The following SLC5A1 variants were observed in gnomAD, a reference collection of about 807,000 sequenced individuals.
SLC5A1 encodes solute carrier family 5 member 1, also known as sodium/glucose cotransporter 1.
Under a neutral mutation model 73.5 loss-of-function variants are expected in SLC5A1, and 42 were observed. The ratio of observed to expected loss-of-function variants is 0.57; its 90% CI spans 0.45 to 0.74. The LOEUF (loss-of-function observed/expected upper bound fraction) is 0.74. Ranked by LOEUF, SLC5A1 falls within the 30% of genes least tolerant of loss-of-function variation. The probability of loss-of-function intolerance (pLI) is 0.00; values close to 1 mark genes in which losing one functional copy is unlikely to be tolerated. For missense variants in SLC5A1, 634 were observed against 855.4 expected (o/e 0.74, Z 3.23); for synonymous variants, 300 against 317.4 (o/e 0.95, Z 0.58).
intron 7 of SLC5A1, among the ~76,000 whole-genome samples, chr22:32,083,915 C>T (rs1371205645): frequency 6.6e-6 from 1 of 152,212 alleles, no homozygotes; most frequent in Non-Finnish European, 1.5e-5. Flanking sequence ...TATTCAAGGA[C>T]ACACAATTGA....
intron 2 of SLC5A1, among the ~76,000 whole-genome samples, chr22:32,055,553 G>A (rs1350836551): frequency 1.3e-5 from 2 of 152,166 alleles, no homozygotes; most frequent in Non-Finnish European, 1.5e-5. Context: ...ACAGTGGGAT[G>A]GGTAGGAGGT....
At chr22:32,053,950 A>C (rs553440876) in intron 2 of SLC5A1, among the ~76,000 whole-genome samples, 2 of 152,302 alleles carry the variant, frequency 1.3e-5, no homozygotes, top group African/African-American at 4.8e-5. Context: ...CGAGGCAGGC[A>C]GATCGCCTGG....
Position 32,112,496 on chromosome 22 carries a change from C to T in SLC5A1, c.*2283C>T, listed in dbSNP as rs1355103821. On this transcript the variant is annotated 3_prime_UTR_variant, in exon 15 of 15. Transcript: ENST00000266088. ...ATGCCCAATAAACATTACTGCTTTC[C>T]CCCTCACCCTACTGCCTGAAAAAAT... The T allele has an allele frequency of 1.3e-5, 2 of 152,204 alleles. No homozygotes were observed. Among genetic ancestry groups the T allele is most frequent in the Non-Finnish European group, 2.9e-5 (2 of 68,066 alleles). 9.4% of individuals were successfully genotyped at this position (152,204 alleles called of 1,614,324 possible).
intron 11 of SLC5A1, among the ~76,000 whole-genome samples, chr22:32,093,584 CTT>C (rs2094021615): frequency 6.7e-6 from 1 of 149,790 alleles, no homozygotes; most frequent in African/African-American, 2.4e-5. Context: ...TCTTCTCTCT[CTT>C]TCTTTTTTTT....
intron 2 of SLC5A1, among the ~76,000 whole-genome samples, chr22:32,054,705 C>T (rs2093949326): frequency 6.6e-6 from 1 of 152,174 alleles, no homozygotes; most frequent in Non-Finnish European, 1.5e-5. Context: ...CAGGGTCTCA[C>T]TCTGTTGCCC....
intron 5 of SLC5A1, among the ~76,000 whole-genome samples, chr22:32,075,533 T>G (rs937936357): frequency 6.6e-6 from 1 of 152,220 alleles, no homozygotes; most frequent in East Asian, 1.9e-4. Flanking sequence ...TTCCTGACAC[T>G]GAATCTAAAC....
rs1379243652 is a variant in SLC5A1 at position 32,043,458 on chromosome 22, C to G, written c.135+42C>G. ...GGGATGCGGGTGGGGAGGGTGCGCA[C>G]AGAGGAGGAGCAATGGCCTCGCTGA... On this transcript the variant is annotated intron_variant, in intron 1 of 14. Transcript: ENST00000266088. This position sits in a 1 kb window ranked among gnomAD's most constrained non-coding sequence, Gnocchi z 6.5. 1.2e-6 allele frequency: 2 copies of G among 1,608,844 alleles called. No homozygotes were observed. The highest frequency in any genetic ancestry group is 1.7e-6 in the Non-Finnish European group (2 of 1,176,922).
At chr22:32,044,436 A>T (rs1185728612) in intron 1 of SLC5A1, among the ~76,000 whole-genome samples, 1 of 151,718 alleles carries the variant, frequency 6.6e-6, no homozygotes, top group Non-Finnish European at 1.5e-5. Flanking sequence ...ATTGTGTTGA[A>T]CTCTTTTGAC....
Position 32,110,705 on chromosome 22 carries a change from T to C in SLC5A1, c.*492T>C, listed in dbSNP as rs200454666. The C allele has an allele frequency of 2.6e-5, 6 of 231,536 alleles. No homozygotes were observed. The highest frequency in any genetic ancestry group is 3.4e-5 in the Non-Finnish European group (4 of 116,794). The allele number at this position is 231,536 out of a possible 1,614,324, so 14.3% of individuals were successfully genotyped here. A position where few individuals can be genotyped will look rare whatever the true frequency, so the allele number is the denominator to read the frequency against. On this transcript the variant is annotated 3_prime_UTR_variant, in exon 15 of 15. Transcript: ENST00000266088. ...GCCTGGACTTTCCCTCTCAAGTGTGTCAATCAGGTAAACTGAGGAATGCAT... is the reference window on the plus strand; with the variant it reads ...GCCTGGACTTTCCCTCTCAAGTGTGCCAATCAGGTAAACTGAGGAATGCAT...
chr22:32,060,217 A>C (rs1467073299), intron 2 of SLC5A1, among the ~76,000 whole-genome samples: 2 of 150,302 alleles, frequency 1.3e-5, no homozygotes, highest in African/African-American at 4.9e-5. Context: ...AAGAGATGGA[A>C]CTTTGCTCTT....
At chr22:32,102,700 A>G (rs1412403744) in intron 13 of SLC5A1, among the ~76,000 whole-genome samples, 1 of 152,150 alleles carries the variant, frequency 6.6e-6, no homozygotes, top group Non-Finnish European at 1.5e-5. Context: ...CCCATTAACC[A>G]TCTCCATTCT....
At chr22:32,103,614 G>A (rs1166377689) in intron 13 of SLC5A1, among the ~76,000 whole-genome samples, 1 of 152,190 alleles carries the variant, frequency 6.6e-6, no homozygotes, top group Non-Finnish European at 1.5e-5. Context: ...ATAGAAACTG[G>A]TATTTCTTTT....
intron 2 of SLC5A1, among the ~76,000 whole-genome samples, chr22:32,054,964 T>C (rs1218484794): frequency 1.3e-5 from 2 of 152,144 alleles, no homozygotes; most frequent in Non-Finnish European, 2.9e-5. Context: ...TGTGAGCCAC[T>C]GCACCCGGCC....
At position 32,080,722 on chromosome 22, in the gene SLC5A1, G is replaced by A. The variant is rs555337496; in HGVS notation, c.478-1144G>A. Among the ~76,000 whole-genome samples the A allele has an allele frequency of 2.6e-5, 4 of 152,300 alleles. No homozygotes were observed. The South Asian group carries it at 8.3e-4, about 32-fold the overall frequency. On this transcript the variant is annotated intron_variant, in intron 5 of 14. Transcript: ENST00000266088. ...TTGAAAACAAAAGACTCAGCTGGGC[G>A]CAGTGGCTCACGCCTGTAATCCCAG...
At position 32,091,605 on chromosome 22, in the gene SLC5A1, C is replaced by T; in HGVS notation, c.1130-7C>T. 6.2e-7 allele frequency: 1 copy of T among 1,614,078 alleles called. No homozygotes were observed. The highest frequency in any genetic ancestry group is 8.5e-7 in the Non-Finnish European group (1 of 1,179,962). ...TTATGTGCCACTCAAAAATCCTTCT[C>T]TTCCAGGACTGCGAGGCCTGATGCT... On this transcript the variant is annotated splice_polypyrimidine_tract_variant and splice_region_variant and intron_variant, in intron 10 of 14. Transcript: ENST00000266088.
intron 14 of SLC5A1, 139 bp from the exon 15 acceptor site, chr22:32,109,851 G>A (rs1401526023): frequency 2.9e-6 from 2 of 680,298 alleles, no homozygotes; most frequent in African/African-American, 3.6e-5. Flanking sequence ...AAGAAAATAT[G>A]GGGGAAATTT....
chr22:32,108,020 A>C (rs2094049409), intron 14 of SLC5A1, among the ~76,000 whole-genome samples: 1 of 152,194 alleles, frequency 6.6e-6, no homozygotes, highest in Non-Finnish European at 1.5e-5. Context: ...CATCCTCTTA[A>C]GGCAGATAAC....
intron 3 of SLC5A1, 65 bp downstream of exon 3, chr22:32,067,104 T>C (rs1358610610): frequency 6.9e-6 from 9 of 1,299,062 alleles, no homozygotes; most frequent in Non-Finnish European, 1.0e-5. Flanking sequence ...ACCAGTTCAA[T>C]CTATGCTCAG....
At chr22:32,049,062 A>T (rs2093940831) in intron 1 of SLC5A1, among the ~76,000 whole-genome samples, 1 of 145,664 alleles carries the variant, frequency 6.9e-6, no homozygotes, top group Non-Finnish European at 1.5e-5. Context: ...TGACTGAGTG[A>T]GACTTTGTCT....
Sources: gnomAD v4.1 joint callset for allele counts (sites outside exome capture counted in the v4.1 genomes callset) on GRCh38, gnomAD v4.1.1 for gene constraint, Gnocchi (gnomAD v3.1) non-coding constraint, MANE v1.5 for transcripts, NCBI Gene and HGNC (gene_info 2026-07-23, HGNC 2026-07-21) for gene names.